The following TSHZ3 variants were observed in gnomAD, a reference collection of about 807,000 sequenced individuals.
The protein encoded by TSHZ3 is teashirt zinc finger homeobox 3, also known as teashirt homolog 3.
TSHZ3 carries 10 observed loss-of-function variants against 64.5 expected under a neutral mutation model. The ratio of observed to expected loss-of-function variants is 0.16; its 90% confidence interval spans 0.10 to 0.26. The LOEUF (loss-of-function observed/expected upper bound fraction) is 0.26, where lower values mean the gene tolerates loss of function less well. Ranked by LOEUF, TSHZ3 falls within the 10% of genes least tolerant of loss-of-function variation. The pLI is 1.00. For synonymous variants in TSHZ3, 608 were observed against 593.1 expected (o/e 1.03, Z -0.36); for missense variants, 1,242 against 1,421.7 (o/e 0.87, Z 2.03).
intron 1 of TSHZ3, among the ~76,000 whole-genome samples, chr19:31,344,102 AAATAC>A (rs1464556354): frequency 6.6e-6 from 1 of 152,230 alleles, no homozygotes; most frequent in Non-Finnish European, 1.5e-5. Context: ...CATTGTTACT[AAATAC>A]AATATATTGT....
At chr19:31,327,193 G>T (rs2145175998) in intron 1 of TSHZ3, among the ~76,000 whole-genome samples, 1 of 152,240 alleles carries the variant, frequency 6.6e-6, no homozygotes. Context: ...ATATTCCACG[G>T]CATTACTGGA....
At chr19:31,246,662 T>G (rs925360312) in intron 1 of TSHZ3, among the ~76,000 whole-genome samples, 3 of 151,880 alleles carry the variant, frequency 2.0e-5, no homozygotes, top group East Asian at 3.9e-4. Context: ...AGGAGAGAGA[T>G]AAAGAAATTG....
intron 4 of TSHZ3, among the ~76,000 whole-genome samples, chr19:31,212,026 G>T (rs1339420115): frequency 6.6e-6 from 1 of 151,822 alleles, no homozygotes; most frequent in Non-Finnish European, 1.5e-5. Flanking sequence ...ATCCTTGAGA[G>T]CACTTTTAAG....
At chr19:31,242,350 A>G (rs1192108681) in exon 3 of TSHZ3, among the ~76,000 whole-genome samples, 1 of 152,198 alleles carries the variant, frequency 6.6e-6, no homozygotes, top group Non-Finnish European at 1.5e-5. Flanking sequence ...GGCTCAGTCC[A>G]AGTCCAAAAG....
chr19:31,330,199 G>A (rs550519298), intron 1 of TSHZ3, among the ~76,000 whole-genome samples: 3 of 151,340 alleles, frequency 2.0e-5, no homozygotes, highest in South Asian at 2.1e-4. Flanking sequence ...TCTGCCTTCC[G>A]TGATACTTTT....
chr19:31,313,859 C>T (rs1019475462), intron 1 of TSHZ3, among the ~76,000 whole-genome samples: 4 of 152,174 alleles, frequency 2.6e-5, no homozygotes, highest in Non-Finnish European at 4.4e-5. Flanking sequence ...ACTGAGAGTC[C>T]GGGTACCTGC....
At chr19:31,211,865 C>T (rs904069631) in intron 4 of TSHZ3, among the ~76,000 whole-genome samples, 89 of 152,138 alleles carry the variant, frequency 5.8e-4, no homozygotes, top group African/African-American at 2.0e-3. Flanking sequence ...ACAGAAGGAT[C>T]AAGGGAAAGG....
At chr19:31,212,484 A>C (rs1045533384) in intron 4 of TSHZ3, among the ~76,000 whole-genome samples, 1 of 152,176 alleles carries the variant, frequency 6.6e-6, no homozygotes, top group Non-Finnish European at 1.5e-5. Context: ...AAAGAAAAAT[A>C]AAAAGCAAAA....
intron 1 of TSHZ3, among the ~76,000 whole-genome samples, chr19:31,339,529 C>T (rs1325897647): frequency 6.6e-6 from 1 of 152,162 alleles, no homozygotes; most frequent in Non-Finnish European, 1.5e-5. Flanking sequence ...TGGACCTGGG[C>T]TTCCCTCCCC....
chr19:31,249,388 G>A (rs1300979840), intron 1 of TSHZ3, among the ~76,000 whole-genome samples: 1 of 152,134 alleles, frequency 6.6e-6, no homozygotes, highest in Non-Finnish European at 1.5e-5. Flanking sequence ...ATGGTCCCAG[G>A]CTGCTGCAGT....
At chr19:31,247,866 G>A (rs1267335615) in intron 1 of TSHZ3, among the ~76,000 whole-genome samples, 4 of 150,516 alleles carry the variant, frequency 2.7e-5, no homozygotes, top group Non-Finnish European at 4.4e-5. Flanking sequence ...GTGTGTGTGT[G>A]TGTGTGTATG....
chr19:31,199,417 A>G (rs1433218746), intron 5 of TSHZ3, among the ~76,000 whole-genome samples: 8 of 117,530 alleles, frequency 6.8e-5, no homozygotes, highest in Non-Finnish European at 1.1e-4. Flanking sequence ...AAAAAAAAAA[A>G]AAAAAGAAAA....
intron 1 of TSHZ3, among the ~76,000 whole-genome samples, chr19:31,283,825 G>A (rs892575683): frequency 2.0e-5 from 3 of 152,192 alleles, no homozygotes; most frequent in Admixed American, 6.5e-5. Flanking sequence ...ATAGAAGGAA[G>A]GGCTCTGGAA....
chr19:31,184,095 C>T (rs927324262), intron 5 of TSHZ3, among the ~76,000 whole-genome samples: 1 of 152,080 alleles, frequency 6.6e-6, no homozygotes, highest in Non-Finnish European at 1.5e-5. Context: ...GCTCGGTATA[C>T]ATTTTATGAA....
chr19:31,222,364 C>T (rs973968049), intron 4 of TSHZ3, among the ~76,000 whole-genome samples: 6 of 152,194 alleles, frequency 3.9e-5, no homozygotes, highest in Admixed American at 6.5e-5. Flanking sequence ...ATGTTATTTT[C>T]AATATGCTTG....
At chr19:31,245,240 G>GC (rs1975745565) in intron 1 of TSHZ3, among the ~76,000 whole-genome samples, 1 of 152,138 alleles carries the variant, frequency 6.6e-6, no homozygotes, top group African/African-American at 2.4e-5. Context: ...CCCAACATTT[G>GC]CTGTGCAACC....
chr19:31,276,556 C>G lies in TSHZ3; in HGVS notation c.3237G>C (p.Glu1079Asp). 1.3e-6 allele frequency: 2 copies of G among 1,548,816 alleles called. No individual in the cohort carries two copies. The highest frequency in any genetic ancestry group is 1.2e-5 in the South Asian group (1 of 80,370). Reference protein sequence around the residue: ...EDHLLYVSELEKQ With the variant: ...EDHLLYVSELDKQ ...CTATCAAAAGCAAATGCTACTGCTT[C>G]TCTAACTCAGAGACATACAGAAGGT... is the stretch of plus-strand genomic sequence containing the variant. The change falls in exon 2 of 2, where the codon GAG becomes GAC. Residue 1079 changes from glutamate to aspartate, a missense_variant. This residue lies in a region of TSHZ3 where 126 missense variants were observed against 140.6 expected (regional missense o/e 0.90). Transcript: ENST00000240587.
rs1975808286 is a variant in TSHZ3 at position 31,249,615 on chromosome 19, T to C, written n.64-6740A>G. On this transcript the variant is annotated intron_variant and non_coding_transcript_variant, in intron 1 of 6. Transcript: ENST00000651361. ...TTGAATTCCTCAGGCAGTTTAACTCTTTCCCCTTGGGCAGGAAAAGGTTCA... is the reference window on the plus strand; with the variant it reads ...TTGAATTCCTCAGGCAGTTTAACTCCTTCCCCTTGGGCAGGAAAAGGTTCA... Among the ~76,000 whole-genome samples, 5 of 152,238 alleles carry C rather than the reference T, an allele frequency of 3.3e-5. No individual in the cohort carries two copies. In the South Asian group the frequency reaches 1.0e-3, roughly 32 times the overall value.
chr19:31,269,323 C>T (rs1426447556), intron 1 of TSHZ3, among the ~76,000 whole-genome samples: 2 of 152,124 alleles, frequency 1.3e-5, no homozygotes, highest in Non-Finnish European at 2.9e-5. Context: ...TTTCAGGAGC[C>T]GGGTCCTTCA....
Sources: allele counts gnomAD v4.1 joint callset (sites outside exome capture counted in the v4.1 genomes callset), GRCh38; gene constraint gnomAD v4.1.1; regional missense constraint gnomAD v4.1.1; transcripts MANE v1.5; gene names NCBI Gene and HGNC (gene_info 2026-07-23, HGNC 2026-07-21).